Variants in ADCY2 observed in about 807,000 individuals in gnomAD.
The protein encoded by ADCY2 is adenylate cyclase 2.
A neutral mutation model predicts 125.2 loss-of-function variants in ADCY2; 31 were observed. The ratio of observed to expected loss-of-function variants is 0.25; its 90% CI spans 0.19 to 0.33. The LOEUF (loss-of-function observed/expected upper bound fraction) is 0.33. Ranked by LOEUF, ADCY2 falls within the 10% of genes least tolerant of loss-of-function variation. The pLI is 1.00. For missense variants in ADCY2, 904 were observed against 1,418.2 expected (o/e 0.64, Z 5.82); for synonymous variants, 512 against 548.4 (o/e 0.93, Z 0.93).
intron 2 of ADCY2, among the ~76,000 whole-genome samples, chr5:7,465,501 C>T (rs1316247647): frequency 2.0e-5 from 3 of 152,170 alleles, no homozygotes; most frequent in Non-Finnish European, 2.9e-5. Flanking sequence ...CTTTGATTCA[C>T]GGCGTGTGCA....
chr5:7,758,953 G>A (rs546802570), intron 16 of ADCY2, among the ~76,000 whole-genome samples: 7 of 152,292 alleles, frequency 4.6e-5, no homozygotes, highest in East Asian at 3.9e-4. Context: ...TCCAGGTCAC[G>A]CGAGAGATCG....
intron 14 of ADCY2, among the ~76,000 whole-genome samples, chr5:7,737,751 A>T (rs1360769992): frequency 6.6e-6 from 1 of 152,226 alleles, no homozygotes; most frequent in Non-Finnish European, 1.5e-5. Context: ...GGCATATTAT[A>T]GTCACACTTC....
intron 5 of ADCY2, among the ~76,000 whole-genome samples, chr5:7,693,414 T>G (rs7442794): frequency 0.022 from 673 of 31,116 alleles, 16 homozygotes; most frequent in East Asian, 0.05. Flanking sequence ...CTGTTTTTTG[T>G]TTTTTTTTTT....
chr5:7,752,830 C>A (rs1031305477), intron 15 of ADCY2, among the ~76,000 whole-genome samples: 11 of 151,466 alleles, frequency 7.3e-5, no homozygotes, highest in Admixed American at 1.3e-4. Context: ...GGATTCATCC[C>A]ACGTTTTTCC....
intron 20 of ADCY2, chr5:7,794,403 T>A (rs778309484): frequency 6.6e-6 from 1 of 152,080 alleles, no homozygotes; most frequent in Admixed American, 6.6e-5. Context: ...GACCCTGTAC[T>A]CCCCCAGGGG....
chr5:7,663,756 G>A (rs753247291), intron 4 of ADCY2, among the ~76,000 whole-genome samples: 2 of 152,114 alleles, frequency 1.3e-5, no homozygotes, highest in Non-Finnish European at 2.9e-5. Context: ...GCTTGGGGTC[G>A]GGATTCTAGC....
chr5:7,735,302 A>C (rs1056329142), intron 14 of ADCY2, among the ~76,000 whole-genome samples: 1 of 152,156 alleles, frequency 6.6e-6, no homozygotes, highest in African/African-American at 2.4e-5. Flanking sequence ...CTTCTTTTAC[A>C]ATCTGATGCC....
chr5:7,592,131 C>G (rs1049631947), intron 3 of ADCY2, among the ~76,000 whole-genome samples: 1 of 152,112 alleles, frequency 6.6e-6, no homozygotes, highest in African/African-American at 2.4e-5. Context: ...TTCTTATTGC[C>G]TTTAGGTTTC....
intron 3 of ADCY2, among the ~76,000 whole-genome samples, chr5:7,565,816 C>T (rs560635765): frequency 9.2e-5 from 14 of 152,244 alleles, no homozygotes; most frequent in South Asian, 6.2e-4. Context: ...TGCCAAATGA[C>T]GATTAACAGC....
intron 5 of ADCY2, 148 bp downstream of exon 5, chr5:7,690,987 C>A: frequency 1.1e-6 from 1 of 927,504 alleles, no homozygotes; most frequent in Non-Finnish European, 1.5e-6. Context: ...TCTGCCATCC[C>A]ACTCACCTGT....
intron 15 of ADCY2, among the ~76,000 whole-genome samples, chr5:7,750,917 T>A (rs73045491): frequency 0.093 from 14,213 of 152,124 alleles, 1,697 homozygotes; most frequent in African/African-American, 0.28. Context: ...CAATATCTCC[T>A]TGTGTTTTGT....
chr5:7,548,994 T>G (rs540335822), intron 3 of ADCY2, among the ~76,000 whole-genome samples: 80 of 152,208 alleles, frequency 5.3e-4, no homozygotes, highest in Non-Finnish European at 1.0e-3. Context: ...ACAGGTGGTG[T>G]TTTTGGAGGC....
At chr5:7,713,386 C>T (rs1192996410) in intron 11 of ADCY2, among the ~76,000 whole-genome samples, 10 of 151,414 alleles carry the variant, frequency 6.6e-5, no homozygotes, top group Non-Finnish European at 4.4e-5. Flanking sequence ...CCCAGCTACT[C>T]GGGAGGCTGA....
intron 3 of ADCY2, among the ~76,000 whole-genome samples, chr5:7,532,328 C>A (rs951489316): frequency 6.6e-6 from 1 of 152,226 alleles, no homozygotes; most frequent in African/African-American, 2.4e-5. Context: ...CACTTTTCCT[C>A]TAGCCACTTG....
intron 3 of ADCY2, among the ~76,000 whole-genome samples, chr5:7,610,439 T>C (rs540302584): frequency 2.6e-5 from 4 of 151,890 alleles, no homozygotes; most frequent in Non-Finnish European, 5.9e-5. Flanking sequence ...GAAGGAGACA[T>C]TGGGTTTGGC....
intron 19 of ADCY2, among the ~76,000 whole-genome samples, chr5:7,789,160 A>C (rs921497809): frequency 2.0e-5 from 3 of 152,242 alleles, no homozygotes; most frequent in Non-Finnish European, 4.4e-5. Flanking sequence ...CATATTTTGC[A>C]ATGATTACAT....
intron 3 of ADCY2, among the ~76,000 whole-genome samples, chr5:7,596,277 C>A (rs1021622998): frequency 1.6e-4 from 5 of 32,000 alleles, no homozygotes; most frequent in East Asian, 6.0e-4. Context: ...CCAAAAACTC[C>A]CCCCCCCCAC....
At position 7,699,081 on chromosome 5, in the gene ADCY2, A is replaced by ATTTTTTTTTTTTT. The variant is rs561359357; in HGVS notation, c.1109+729_1109+741dup. On this transcript the variant is annotated intron_variant, in intron 7 of 24. Transcript: ENST00000338316. Reference sequence around the variant, plus strand: ...CCTGAGTCAGGAAACAACAGTAAGCATTTTTTTTTTTTTTTTTTTTTTTTT... The same window carrying ATTTTTTTTTTTTT: ...CCTGAGTCAGGAAACAACAGTAAGCATTTTTTTTTTTTTTTTTTTTTTTTTTTTTTTTTTTTTT... Among the ~76,000 whole-genome samples, 21 of 37,970 alleles carry ATTTTTTTTTTTTT rather than the reference A, an allele frequency of 5.5e-4. 5 individuals are homozygous for ATTTTTTTTTTTTT. The highest frequency in any genetic ancestry group is 8.4e-4 in the Non-Finnish European group (18 of 21,472). 24.9% of individuals were successfully genotyped at this position (37,970 alleles called of 152,430 possible). A position where few individuals can be genotyped will look rare whatever the true frequency, so the allele number is the denominator to read the frequency against.
chr5:7,437,039 C>G (rs552810484), intron 2 of ADCY2, among the ~76,000 whole-genome samples: 1 of 152,192 alleles, frequency 6.6e-6, no homozygotes, highest in African/African-American at 2.4e-5. Flanking sequence ...AGGCCCAGCT[C>G]TGCTTTGTAG....
Sources: allele counts gnomAD v4.1 joint callset (sites outside exome capture counted in the v4.1 genomes callset), GRCh38; gene constraint gnomAD v4.1.1; transcripts MANE v1.5; gene names NCBI Gene and HGNC (gene_info 2026-07-23, HGNC 2026-07-21).